Variants in TET3 observed in about 807,000 individuals in gnomAD.
The protein encoded by TET3 is methylcytosine dioxygenase TET3.
In TET3, 19 loss-of-function variants were observed where a neutral mutation model predicts 141.4. The ratio of observed to expected loss-of-function variants is 0.13; its 90% CI spans 0.09 to 0.20. TET3 has a LOEUF of 0.20. Among genes scored for constraint, TET3 ranks in the 10% least tolerant of loss-of-function variants. TET3 has a pLI of 1.00. For missense variants in TET3, 1,874 were observed against 2,356.9 expected (o/e 0.80, Z 4.24); for synonymous variants, 1,043 against 980.9 (o/e 1.06, Z -1.18).
At chr2:73,999,329 C>T (rs923805469) in intron 2 of TET3, among the ~76,000 whole-genome samples, 9 of 152,252 alleles carry the variant, frequency 5.9e-5, no homozygotes, top group Non-Finnish European at 1.3e-4. Context: ...CCCAATTCTT[C>T]GTCTGTAAAA....
rs548959334 is a variant in TET3 at position 74,087,734 on chromosome 2, C to A, written c.2680-96C>A. The A allele has an allele frequency of 6.3e-6, 8 of 1,271,252 alleles. No individual in the cohort carries two copies. The East Asian group carries it at 1.8e-4, about 28-fold the overall frequency. The allele number at this position is 1,271,252 out of a possible 1,614,324, so 78.7% of individuals were successfully genotyped here. Reference sequence around the variant, plus strand: ...CATCCCTAGAACCCTGCCGTTAAGACCTGCACCCTGGGTCTGTGTGACAAA... The same window carrying A: ...CATCCCTAGAACCCTGCCGTTAAGAACTGCACCCTGGGTCTGTGTGACAAA... On this transcript the variant is annotated intron_variant, in intron 6 of 11. Coordinates refer to ENST00000409262, the MANE Select transcript of TET3 (RefSeq NM_001287491.2). The surrounding 1 kb of genome is among the most constrained non-coding windows in gnomAD (Gnocchi z 4.3).
chr2:74,067,207 A>G (rs1477410176), intron 4 of TET3, among the ~76,000 whole-genome samples: 1 of 152,226 alleles, frequency 6.6e-6, no homozygotes, highest in Admixed American at 6.5e-5. Flanking sequence ...TTTGGAATGA[A>G]TCATTTCTAA....
At chr2:74,088,715 T>C (rs1558783247) in intron 7 of TET3, among the ~76,000 whole-genome samples, 1 of 152,128 alleles carries the variant, frequency 6.6e-6, no homozygotes, top group Non-Finnish European at 1.5e-5. Flanking sequence ...TTATTTACAA[T>C]AAAATTCATC....
intron 3 of TET3, among the ~76,000 whole-genome samples, chr2:74,028,285 G>GT (rs139816520): frequency 0.081 from 11,942 of 147,786 alleles, 519 homozygotes; most frequent in African/African-American, 0.1. Flanking sequence ...ATGCCTAGCC[G>GT]TTTTTTTTTT....
At position 74,046,329 on chromosome 2, in the gene TET3, T is replaced by G; in HGVS notation, c.412T>G (p.Ser138Ala). Residue 138 changes from serine (S) to alanine (A), a missense_variant, in exon 4 of 12, where the codon TCA becomes GCA. Physicochemically the swap from Ser to Ala is moderately conservative, Grantham distance 99 (BLOSUM62 1). This residue lies in a region of TET3 where 366 missense variants were observed against 487.0 expected (regional missense o/e 0.75). Coordinates refer to ENST00000409262, the MANE Select transcript of TET3 (RefSeq NM_001287491.2). This position sits in a 1 kb window ranked among gnomAD's most constrained non-coding sequence, Gnocchi z 4.3. ...TGGACCTGTTCCAGGTCAGATGGAC[T>G]CAGGGCCAGTGTACCATGGGGACTC... ...VDGPVPGQMDSGPVYHGDSRQ... is the reference protein window; with the variant it reads ...VDGPVPGQMDAGPVYHGDSRQ... 6.6e-7 allele frequency: 1 copy of G among 1,521,130 alleles called. No homozygotes were observed. Among genetic ancestry groups the G allele is most frequent in the Non-Finnish European group, 8.8e-7 (1 of 1,137,036 alleles). 94.2% of individuals were successfully genotyped at this position (1,521,130 alleles called of 1,614,324 possible).
rs1044296345 is a variant in TET3 at position 73,988,130 on chromosome 2, C to T, written c.303+1424C>T. ...CCCCCAGCCCCAGCCTGGGAGACTT[C>T]TCTGTTGCTGGTGTTGGGGGTAGTT... On this transcript the variant is annotated intron_variant, in intron 2 of 11. Transcript: ENST00000409262. Among the ~76,000 whole-genome samples, 11 of 152,232 alleles carry T rather than the reference C, an allele frequency of 7.2e-5. No homozygotes were observed. The South Asian group carries it at 2.1e-3, about 29-fold the overall frequency.
rs1687604052 is a variant in TET3, at chr2:74,046,116, CAG to C, written c.361-158_361-157del. Among the ~76,000 whole-genome samples the C allele has an allele frequency of 6.6e-6, 1 of 152,084 alleles. No homozygotes were observed. The highest frequency in any genetic ancestry group is 6.5e-5 in the Admixed American group (1 of 15,276). ...CTGCTGGTGAAGCTCCCTAGGGAAC[CAG>C]AGACATGGGAAGATGAATTGGAGGC... is the stretch of plus-strand genomic sequence containing the variant. On this transcript the variant is annotated intron_variant, in intron 3 of 11. Coordinates refer to ENST00000409262, the MANE Select transcript of TET3 (RefSeq NM_001287491.2). This position sits in a 1 kb window ranked among gnomAD's most constrained non-coding sequence, Gnocchi z 4.3.
chr2:73,992,464 C>T (rs923863922), intron 2 of TET3, among the ~76,000 whole-genome samples: 2 of 152,120 alleles, frequency 1.3e-5, no homozygotes, highest in Non-Finnish European at 2.9e-5. Context: ...CAGGCATGTG[C>T]CATCACGCCT....
Position 74,106,345 on chromosome 2 carries a change from T to G in TET3, c.*4169T>G, listed in dbSNP as rs985230677. ...GGGCGAAGGGTTTTTTGAGTTTTTG[T>G]TTTTGAGGAAGGGGAGTTGGGTACT... On this transcript the variant is annotated 3_prime_UTR_variant, in exon 12 of 12. Transcript: ENST00000409262. The G allele has an allele frequency of 2.0e-5, 3 of 153,100 alleles. No individual in the cohort carries two copies. The highest frequency in any genetic ancestry group is 4.4e-5 in the Non-Finnish European group (3 of 68,082). 9.5% of individuals were successfully genotyped at this position (153,100 alleles called of 1,614,324 possible).
the TET3 span, among the ~76,000 whole-genome samples, chr2:74,126,338 G>GT: frequency 6.6e-6 from 1 of 152,112 alleles, no homozygotes; most frequent in Non-Finnish European, 1.5e-5. Context: ...TCAGGCAGAG[G>GT]TTTTTTGGCA....
chr2:73,999,330 G>A (rs935074799), intron 2 of TET3, among the ~76,000 whole-genome samples: 10 of 152,134 alleles, frequency 6.6e-5, no homozygotes, highest in Admixed American at 1.3e-4. Flanking sequence ...CCAATTCTTC[G>A]TCTGTAAAAT....
intron 3 of TET3, among the ~76,000 whole-genome samples, chr2:74,045,753 T>C (rs1687581125): frequency 6.6e-6 from 1 of 152,202 alleles, no homozygotes; most frequent in African/African-American, 2.4e-5. Context: ...AGAAAAGAAC[T>C]ATGGGTCCCC....
intron 6 of TET3, among the ~76,000 whole-genome samples, chr2:74,081,344 G>A (rs1206476383): frequency 8.5e-5 from 13 of 152,244 alleles, no homozygotes; most frequent in Non-Finnish European, 1.5e-4. Flanking sequence ...TCAGCCTCGC[G>A]CTGTGCTGGG....
the TET3 span, among the ~76,000 whole-genome samples, chr2:74,114,135 C>G: frequency 6.6e-6 from 1 of 152,040 alleles, no homozygotes; most frequent in Non-Finnish European, 1.5e-5. Flanking sequence ...AATAGAGAAC[C>G]CAGAAACTAA....
chr2:74,067,667 A>G (rs569058989), intron 4 of TET3, among the ~76,000 whole-genome samples: 2 of 152,396 alleles, frequency 1.3e-5, no homozygotes, highest in Non-Finnish European at 1.5e-5. Flanking sequence ...TCGCAGAAAA[A>G]GTGGCATTTA....
the TET3 span, among the ~76,000 whole-genome samples, chr2:74,116,305 C>T: frequency 5.9e-5 from 9 of 152,134 alleles, 1 homozygote; most frequent in Middle Eastern, 0.01. Flanking sequence ...AAGGAGGTTC[C>T]TCAAAAAGTA....
chr2:74,002,480 G>A (rs1477030115), intron 2 of TET3, among the ~76,000 whole-genome samples: 5 of 152,140 alleles, frequency 3.3e-5, no homozygotes, highest in Non-Finnish European at 7.4e-5. Flanking sequence ...GGTCCCCGCG[G>A]GAGGAGGCCG....
At chr2:74,060,534 A>T (rs528164480) in intron 4 of TET3, among the ~76,000 whole-genome samples, 78 of 151,136 alleles carry the variant, frequency 5.2e-4, no homozygotes, top group African/African-American at 1.5e-3. Context: ...ATTTATTATT[A>T]TTTTTTTTTA....
At chr2:74,001,291 T>C (rs1684837149) in intron 2 of TET3, among the ~76,000 whole-genome samples, 1 of 152,090 alleles carries the variant, frequency 6.6e-6, no homozygotes, top group Non-Finnish European at 1.5e-5. Flanking sequence ...GCATCTGTGG[T>C]GTAGTGGGTA....
Sources: allele counts gnomAD v4.1 joint callset (sites outside exome capture counted in the v4.1 genomes callset), GRCh38; gene constraint gnomAD v4.1.1; regional missense constraint gnomAD v4.1.1; non-coding constraint Gnocchi (gnomAD v3.1); transcripts MANE v1.5; gene names NCBI Gene and HGNC (gene_info 2026-07-23, HGNC 2026-07-21).